The following GNG12 variants were observed in gnomAD, a reference collection of about 807,000 sequenced individuals.
GNG12 encodes the protein guanine nucleotide-binding protein G(I)/G(S)/G(O) subunit gamma-12.
For synonymous variants in GNG12, 28 were observed against 29.7 expected, an observed-to-expected ratio of 0.94 and a Z score of 0.19; for missense variants, 69 against 83.8, an observed-to-expected ratio of 0.82 and a Z score of 0.69.
chr1:67,754,661 T>C (rs1646557825), intron 2 of GNG12, among the ~76,000 whole-genome samples: 1 of 152,070 alleles, frequency 6.6e-6, no homozygotes, highest in Admixed American at 6.5e-5. Context: ...TAAAGTTCTG[T>C]CCACAGTTTA....
At chr1:67,709,827 A>AAT (rs1011266674) in intron 2 of GNG12, among the ~76,000 whole-genome samples, 3 of 124,880 alleles carry the variant, frequency 2.4e-5, no homozygotes, top group African/African-American at 9.6e-5. Context: ...TATATATATA[A>AAT]ATATATATAT....
chr1:67,734,433 C>G (rs1394521854), intron 2 of GNG12, among the ~76,000 whole-genome samples: 1 of 152,300 alleles, frequency 6.6e-6, no homozygotes, highest in East Asian at 1.9e-4. Context: ...CAACGGTGTT[C>G]CAGGTCCTTT....
chr1:67,809,712 C>T (rs916225237), intron 1 of GNG12, among the ~76,000 whole-genome samples: 5 of 152,002 alleles, frequency 3.3e-5, no homozygotes, highest in East Asian at 3.9e-4. Context: ...GAATTACAAA[C>T]GAAAACAACG....
intron 1 of GNG12, among the ~76,000 whole-genome samples, chr1:67,818,053 C>CTG (rs1646964141): frequency 6.6e-6 from 1 of 152,136 alleles, no homozygotes. Context: ...TCCCAAAGTG[C>CTG]TGGGATTACA....
intron 2 of GNG12, among the ~76,000 whole-genome samples, chr1:67,767,971 C>T (rs1646651361): frequency 6.6e-6 from 1 of 152,228 alleles, no homozygotes; most frequent in African/African-American, 2.4e-5. Context: ...GAGATGGGCT[C>T]TTGCTACGTT....
At chr1:67,833,190 C>T (rs1163497654) in intron 1 of GNG12, among the ~76,000 whole-genome samples, 154 bp downstream of exon 1, 4 of 151,882 alleles carry the variant, frequency 2.6e-5, no homozygotes, top group African/African-American at 9.7e-5. Context: ...ACACTCTTCC[C>T]TCCTTCCTTC....
intron 2 of GNG12, among the ~76,000 whole-genome samples, chr1:67,762,392 G>A (rs748740326): frequency 3.3e-5 from 5 of 152,146 alleles, no homozygotes; most frequent in South Asian, 4.1e-4. Context: ...AGCTGGAAAG[G>A]AAGGCAAGGA....
intron 2 of GNG12, chr1:67,772,645 G>A (rs1646681555): frequency 6.6e-6 from 1 of 152,188 alleles, no homozygotes; most frequent in East Asian, 1.9e-4. Flanking sequence ...TAAAAGAGCT[G>A]TAACACTACC....
chr1:67,773,242 T>C (rs1329003476), intron 2 of GNG12, among the ~76,000 whole-genome samples: 1 of 152,208 alleles, frequency 6.6e-6, no homozygotes, highest in African/African-American at 2.4e-5. Flanking sequence ...TTTTTCTTCC[T>C]ACGACATTGT....
At chr1:67,709,936 TTATATATATATAGTTATATATATAG>T (rs1646275451) in intron 2 of GNG12, among the ~76,000 whole-genome samples, 2 of 16,996 alleles carry the variant, frequency 1.2e-4, no homozygotes, top group Non-Finnish European at 1.1e-4. Flanking sequence ...ATATATATAG[TTATATATATATAGTTATATATATAG>T]TTATATATAT....
chr1:67,790,056 T>TTG (rs1379397812), intron 1 of GNG12, among the ~76,000 whole-genome samples: 8 of 152,222 alleles, frequency 5.3e-5, no homozygotes, highest in Non-Finnish European at 1.2e-4. Context: ...TCTTTTCCTG[T>TTG]ATCATCAAGA....
chr1:67,707,751 T>G lies in GNG12; in HGVS notation c.-26-39A>C, dbSNP rs560303172. The G allele has an allele frequency of 1.3e-4, 123 of 942,742 alleles. No individual in the cohort carries two copies. The African/African-American group carries it at 1.8e-3, about 14-fold the overall frequency. 58.4% of individuals were successfully genotyped at this position (942,742 alleles called of 1,614,324 possible). ...TTTTTAAAGACAAGTAACAGGCATCTTTAAGTTATTTAAACATTCATAATA... is the reference window on the plus strand; with the variant it reads ...TTTTTAAAGACAAGTAACAGGCATCGTTAAGTTATTTAAACATTCATAATA... On this transcript the variant is annotated intron_variant, in intron 2 of 3. Transcript: ENST00000370982.
At chr1:67,707,505 T>C in intron 3 of GNG12, 89 bp downstream of exon 3, 1 of 763,700 alleles carries the variant, frequency 1.3e-6, no homozygotes, top group Non-Finnish European at 2.3e-6. Context: ...CGGAATGAAA[T>C]GGTATTATCT....
intron 2 of GNG12, among the ~76,000 whole-genome samples, chr1:67,710,152 TTA>T (rs527551804): frequency 0.011 from 61 of 5,646 alleles, 15 homozygotes; most frequent in Non-Finnish European, 0.02. Flanking sequence ...ATATATATAG[TTA>T]TATATATATA....
At chr1:67,807,843 C>T (rs559916609) in intron 1 of GNG12, among the ~76,000 whole-genome samples, 2 of 152,030 alleles carry the variant, frequency 1.3e-5, no homozygotes, top group Non-Finnish European at 2.9e-5. Flanking sequence ...ACAGAAAGCA[C>T]CAAGTTCAGA....
intron 2 of GNG12, among the ~76,000 whole-genome samples, chr1:67,727,878 GT>G (rs1019726346): frequency 2.0e-5 from 3 of 152,100 alleles, no homozygotes; most frequent in African/African-American, 7.2e-5. Context: ...TATGTGATAA[GT>G]TTTTTTGCAG....
At chr1:67,803,512 C>T (rs1217454674) in intron 1 of GNG12, among the ~76,000 whole-genome samples, 1 of 152,152 alleles carries the variant, frequency 6.6e-6, no homozygotes, top group Admixed American at 6.5e-5. Flanking sequence ...AAGCAAATCA[C>T]GAGGAAACAG....
chr1:67,722,936 C>T (rs1389791729), intron 2 of GNG12, among the ~76,000 whole-genome samples: 1 of 152,078 alleles, frequency 6.6e-6, no homozygotes, highest in East Asian at 1.9e-4. Flanking sequence ...CTCCCTGAGC[C>T]CTCAGATTCT....
At chr1:67,734,563 T>C (rs932269490) in intron 2 of GNG12, among the ~76,000 whole-genome samples, 1 of 152,176 alleles carries the variant, frequency 6.6e-6, no homozygotes, top group African/African-American at 2.4e-5. Context: ...GTAGCAGATA[T>C]GGGACTTGAA....
Sources: allele counts gnomAD v4.1 joint callset (sites outside exome capture counted in the v4.1 genomes callset), GRCh38; gene constraint gnomAD v4.1.1; transcripts MANE v1.5; gene names NCBI Gene and HGNC (gene_info 2026-07-23, HGNC 2026-07-21).